MARCHF5: variants seen among roughly 807,000 people sequenced by gnomAD.
MARCHF5 encodes E3 ubiquitin-protein ligase MARCHF5.
A neutral mutation model predicts 36.5 loss-of-function variants in MARCHF5; 5 were observed. The ratio of observed to expected loss-of-function variants is 0.14; its 90% CI spans 0.07 to 0.29. The LOEUF is 0.29. Ranked by LOEUF, MARCHF5 falls within the 10% of genes least tolerant of loss-of-function variation. The pLI, the probability that MARCHF5 is intolerant of heterozygous loss-of-function variation, is 1.00. For synonymous variants in MARCHF5, 103 were observed against 109.9 expected (o/e 0.94, Z 0.39); for missense variants, 179 against 336.3 (o/e 0.53, Z 3.66).
At chr10:92,309,281 A>T (rs1475066939) in intron 1 of MARCHF5, among the ~76,000 whole-genome samples, 1 of 152,234 alleles carries the variant, frequency 6.6e-6, no homozygotes, top group Non-Finnish European at 1.5e-5. Flanking sequence ...TAAGGAATAT[A>T]ATAGCTACAC....
At chr10:92,318,556 A>G (rs1843243170) in intron 2 of MARCHF5, among the ~76,000 whole-genome samples, 1 of 151,878 alleles carries the variant, frequency 6.6e-6, no homozygotes, top group African/African-American at 2.4e-5. Flanking sequence ...CCCAGTCTCC[A>G]CAAAAAAATA....
At chr10:92,311,474 A>G (rs1843143986) in intron 2 of MARCHF5, 137 bp downstream of exon 2, 1 of 632,048 alleles carries the variant, frequency 1.6e-6, no homozygotes. Context: ...TCCTCTCTGA[A>G]TGTCAGACAT....
At chr10:92,326,188 CTATTT>C (rs1449061456) in intron 2 of MARCHF5, among the ~76,000 whole-genome samples, 1 of 152,094 alleles carries the variant, frequency 6.6e-6, no homozygotes, top group Non-Finnish European at 1.5e-5. Flanking sequence ...ATAGTTGTAA[CTATTT>C]TATTTTATTT....
At chr10:92,304,962 G>A (rs1026349265) in intron 1 of MARCHF5, among the ~76,000 whole-genome samples, 1 of 152,218 alleles carries the variant, frequency 6.6e-6, no homozygotes, top group Admixed American at 6.5e-5. Context: ...TCCTGAATTC[G>A]CATTATCTTT....
chr10:92,309,437 AATGTGAT>A (rs1269737913), intron 1 of MARCHF5, among the ~76,000 whole-genome samples: 3 of 152,174 alleles, frequency 2.0e-5, no homozygotes, highest in African/African-American at 7.2e-5. Context: ...ATTAATTTAA[AATGTGAT>A]TCACCATAAT....
chr10:92,337,753 G>T (rs1843521421), intron 2 of MARCHF5, among the ~76,000 whole-genome samples: 1 of 152,128 alleles, frequency 6.6e-6, no homozygotes, highest in South Asian at 2.1e-4. Context: ...CCTTGAGTTG[G>T]TGAGGGGATA....
chr10:92,332,657 A>C (rs781451622), intron 2 of MARCHF5, among the ~76,000 whole-genome samples: 1 of 150,720 alleles, frequency 6.6e-6, no homozygotes, highest in Non-Finnish European at 1.5e-5. Flanking sequence ...AGTAGCTGGG[A>C]TTACAGGCGC....
At chr10:92,311,394 A>G in intron 2 of MARCHF5, 57 bp downstream of exon 2, 1 of 1,218,950 alleles carries the variant, frequency 8.2e-7, no homozygotes, top group East Asian at 2.6e-5. Flanking sequence ...ATATAACTTT[A>G]TAAGTTCATT....
intron 1 of MARCHF5, among the ~76,000 whole-genome samples, chr10:92,291,872 C>T (rs1402940318): frequency 1.3e-5 from 2 of 151,952 alleles, no homozygotes; most frequent in Non-Finnish European, 2.9e-5. Flanking sequence ...TGTTTGTCAG[C>T]GATGTCACTG....
chr10:92,321,817 T>C (rs1281645507), intron 2 of MARCHF5, among the ~76,000 whole-genome samples: 2 of 152,134 alleles, frequency 1.3e-5, no homozygotes, highest in Non-Finnish European at 2.9e-5. Flanking sequence ...ATCTAATTTG[T>C]TGGCATATAG....
intron 3 of MARCHF5, among the ~76,000 whole-genome samples, chr10:92,347,682 A>G (rs958296132): frequency 2.6e-5 from 4 of 152,164 alleles, no homozygotes; most frequent in Non-Finnish European, 4.4e-5. Flanking sequence ...GGGCAACTCA[A>G]AAGGATCACC....
At chr10:92,344,204 T>C (rs1453881522) in intron 3 of MARCHF5, among the ~76,000 whole-genome samples, 1 of 152,164 alleles carries the variant, frequency 6.6e-6, no homozygotes, top group Non-Finnish European at 1.5e-5. Context: ...TCAAGGGATA[T>C]AGTCCAAGAC....
intron 3 of MARCHF5, among the ~76,000 whole-genome samples, chr10:92,347,834 G>A (rs1843671805): frequency 6.6e-6 from 1 of 152,112 alleles, no homozygotes; most frequent in Admixed American, 6.5e-5. Flanking sequence ...TTAACCAAGT[G>A]GAAATCTGGA....
At chr10:92,329,335 A>T (rs974884763) in intron 2 of MARCHF5, among the ~76,000 whole-genome samples, 1 of 152,256 alleles carries the variant, frequency 6.6e-6, no homozygotes, top group Non-Finnish European at 1.5e-5. Context: ...GTTTTAATAC[A>T]CATTTCTTTA....
At chr10:92,337,517 T>C (rs896067338) in intron 2 of MARCHF5, among the ~76,000 whole-genome samples, 1 of 151,900 alleles carries the variant, frequency 6.6e-6, no homozygotes, top group African/African-American at 2.4e-5. Flanking sequence ...AAACTCCGTC[T>C]CAAAAAAAAT....
At chr10:92,326,714 T>C (rs933202849) in intron 2 of MARCHF5, among the ~76,000 whole-genome samples, 1 of 151,940 alleles carries the variant, frequency 6.6e-6, no homozygotes, top group Non-Finnish European at 1.5e-5. Context: ...ATATTTGCTT[T>C]GCTAGAAATG....
At position 92,291,263 on chromosome 10, in the gene MARCHF5, G is replaced by C; in HGVS notation, c.-232G>C. The C allele has an allele frequency of 1.9e-6, 1 of 539,658 alleles. No individual in the cohort carries two copies. Among genetic ancestry groups the C allele is most frequent in the Non-Finnish European group, 3.2e-6 (1 of 310,656 alleles). 33.4% of individuals were successfully genotyped at this position (539,658 alleles called of 1,614,324 possible). On this transcript the variant is annotated 5_prime_UTR_variant, in exon 1 of 6. Transcript: ENST00000358935. ...ACGGACGGGAACCCGGGCCGCGATCGCCGCCTCCCCGCCTCAGGCTCCTCC... is the reference window on the plus strand; with the variant it reads ...ACGGACGGGAACCCGGGCCGCGATCCCCGCCTCCCCGCCTCAGGCTCCTCC...
chr10:92,305,283 T>A (rs1190359712), intron 1 of MARCHF5, among the ~76,000 whole-genome samples: 3 of 152,068 alleles, frequency 2.0e-5, no homozygotes, highest in Non-Finnish European at 4.4e-5. Flanking sequence ...GGCACGTGCC[T>A]GTAGTCCCAG....
chr10:92,348,255 G>T (rs562445382), intron 3 of MARCHF5, among the ~76,000 whole-genome samples: 1 of 151,362 alleles, frequency 6.6e-6, no homozygotes, highest in Non-Finnish European at 1.5e-5. Context: ...TTGAGAGGCC[G>T]AGGCAGGCTG....
Sources: gnomAD v4.1 joint callset for allele counts (sites outside exome capture counted in the v4.1 genomes callset) on GRCh38, gnomAD v4.1.1 for gene constraint, MANE v1.5 for transcripts, NCBI Gene and HGNC (gene_info 2026-07-23, HGNC 2026-07-21) for gene names.